PCDHGB7: variants seen among roughly 807,000 people sequenced by gnomAD.
PCDHGB7 encodes the protein protocadherin gamma subfamily B, 7, also known as protocadherin gamma-B7.
PCDHGB7 carries 37 observed loss-of-function variants against 61.4 expected under a neutral mutation model. The observed-to-expected ratio is 0.60, with a 90% confidence interval of 0.46 to 0.79. PCDHGB7 has a LOEUF of 0.79. Among genes scored for constraint, PCDHGB7 ranks in the 30% least tolerant of loss-of-function variants. The pLI, the probability that PCDHGB7 is intolerant of heterozygous loss-of-function variation, is 0.00. For synonymous variants in PCDHGB7, 464 were observed against 503.5 expected, an observed-to-expected ratio of 0.92 and a Z score of 1.05; for missense variants, 1,166 against 1,202.5, an observed-to-expected ratio of 0.97 and a Z score of 0.45.
At position 141,487,946 on chromosome 5, in the gene PCDHGB7, C is replaced by G. The variant is rs187890859; in HGVS notation, c.2416-6861C>G. 7.9e-5 allele frequency among the ~76,000 whole-genome samples: 12 copies of G among 152,298 alleles called. No homozygotes were observed. The highest frequency in any genetic ancestry group is 7.8e-4 in the Admixed American group (12 of 15,304). Reference sequence around the variant, plus strand: ...AGTGCACAGGGTACAGTGCACCAGGCAGTCACTTGGACAAAGGTGGCTGTT... The same window carrying G: ...AGTGCACAGGGTACAGTGCACCAGGGAGTCACTTGGACAAAGGTGGCTGTT... On this transcript the variant is annotated intron_variant, in intron 1 of 3. Transcript: ENST00000398594. The surrounding 1 kb of genome is among the most constrained non-coding windows in gnomAD (Gnocchi z 5.0).
chr5:141,483,243 ATATATCATGAGGTTTTTTTGTT>A (rs555469799), intron 1 of PCDHGB7, among the ~76,000 whole-genome samples: 11 of 151,654 alleles, frequency 7.3e-5, no homozygotes, highest in African/African-American at 2.2e-4. Context: ...ACTGATATGC[ATATATCATGAGGTTTTTTTGTT>A]TTAGAAATAT....
At position 141,432,299 on chromosome 5, in the gene PCDHGB7, C is replaced by G; in HGVS notation, c.2415+12025C>G. ...GTCCATCAACTCCGACACTGGGGTA[C>G]TGTATGCGCTGAGCTCCTTCGACTA... is the stretch of plus-strand genomic sequence containing the variant. On this transcript the variant is annotated intron_variant, in intron 1 of 3. Transcript: ENST00000398594. This position sits in a 1 kb window ranked among gnomAD's most constrained non-coding sequence, Gnocchi z 6.0. The G allele has an allele frequency of 2.5e-6, 4 of 1,614,278 alleles. No homozygotes were observed. The highest frequency in any genetic ancestry group is 3.4e-6 in the Non-Finnish European group (4 of 1,180,056).
At chr5:141,437,096 C>T (rs989863634) in intron 1 of PCDHGB7, among the ~76,000 whole-genome samples, 6 of 152,122 alleles carry the variant, frequency 3.9e-5, no homozygotes, top group Non-Finnish European at 8.8e-5. Context: ...AAACTAACGG[C>T]TTAGCTTTAG....
chr5:141,496,499 G>A (rs1417059875), intron 2 of PCDHGB7, among the ~76,000 whole-genome samples: 1 of 152,102 alleles, frequency 6.6e-6, no homozygotes, highest in Non-Finnish European at 1.5e-5. Context: ...AACCCTTGTT[G>A]CCACAAGGAC....
At chr5:141,479,842 G>A (rs1167563746) in intron 1 of PCDHGB7, among the ~76,000 whole-genome samples, 3 of 152,172 alleles carry the variant, frequency 2.0e-5, no homozygotes, top group African/African-American at 7.2e-5. Context: ...TCCATGCAAG[G>A]TGACTGCAAG....
Position 141,419,151 on chromosome 5 carries a change from C to T in PCDHGB7, c.1292C>T (p.Pro431Leu), listed in dbSNP as rs2096335413. 1.2e-6 allele frequency: 2 copies of T among 1,613,800 alleles called. No individual in the cohort carries two copies. The highest frequency in any genetic ancestry group is 2.7e-5 in the African/African-American group (2 of 74,938). ...TIAATDRGKPPLSSSKTITLH... is the reference protein window; with the variant it reads ...TIAATDRGKPLLSSSKTITLH... ...GCAGCCACAGACAGGGGCAAGCCTC[C>T]GTTATCCTCCAGCAAAACCATAACC... Residue 431 changes from proline (P) to leucine (L), a missense_variant, in exon 1 of 4, where the codon CCG becomes CTG. Physicochemically the swap from Pro to Leu is moderately conservative, Grantham distance 98. Transcript: ENST00000398594.
In PCDHGB7 at chr5:141,485,125, G is replaced by A. The variant is rs776015544; in HGVS notation, c.2416-9682G>A. 7.1e-7 allele frequency: 1 copy of A among 1,412,160 alleles called. No homozygotes were observed. The highest frequency in any genetic ancestry group is 1.2e-5 in the South Asian group (1 of 81,022). The allele number at this position is 1,412,160 out of a possible 1,614,324, so 87.5% of individuals were successfully genotyped here. On this transcript the variant is annotated intron_variant, in intron 1 of 3. Transcript: ENST00000398594. This position sits in a 1 kb window ranked among gnomAD's most constrained non-coding sequence, Gnocchi z 5.7. ...CTGCTGTGGCTGTTTGGGGCGGGTC[G>A]GCTTCATCCGCGTCTCAGGAGCAAG... is the stretch of plus-strand genomic sequence containing the variant.
At chr5:141,497,284 A>G (rs1486878285) in intron 2 of PCDHGB7, among the ~76,000 whole-genome samples, 1 of 152,104 alleles carries the variant, frequency 6.6e-6, no homozygotes, top group South Asian at 2.1e-4. Context: ...TGTTCCCTCT[A>G]CCTACCACCA....
At chr5:141,452,912 A>T (rs1301567203) in intron 1 of PCDHGB7, among the ~76,000 whole-genome samples, 1 of 152,228 alleles carries the variant, frequency 6.6e-6, no homozygotes, top group African/African-American at 2.4e-5. Flanking sequence ...GGCATTATAC[A>T]GTAAGAAAGA....
Position 141,486,690 on chromosome 5 carries a change from C to G in PCDHGB7, c.2416-8117C>G. ...AGGAATCGAGATGTATCAGCTTCCTCTTTCATCTCTCTGAACCCCCAGACA... is the reference window on the plus strand; with the variant it reads ...AGGAATCGAGATGTATCAGCTTCCTGTTTCATCTCTCTGAACCCCCAGACA... On this transcript the variant is annotated intron_variant, in intron 1 of 3. Coordinates refer to ENST00000398594, the MANE Select transcript of PCDHGB7 (RefSeq NM_018927.4). The surrounding 1 kb of genome is among the most constrained non-coding windows in gnomAD (Gnocchi z 5.0). 3 of 1,614,144 alleles carry G rather than the reference C, an allele frequency of 1.9e-6. No individual in the cohort carries two copies. The highest frequency in any genetic ancestry group is 2.5e-6 in the Non-Finnish European group (3 of 1,180,036).
At chr5:141,423,742 A>C in intron 1 of PCDHGB7, 1 of 514,328 alleles carries the variant, frequency 1.9e-6, no homozygotes, top group Non-Finnish European at 2.4e-6. Context: ...CCTGTTATGA[A>C]AACTGTTTGG....
intron 1 of PCDHGB7, chr5:141,421,154 G>A: frequency 8.7e-7 from 1 of 1,151,318 alleles, no homozygotes; most frequent in South Asian, 1.6e-5. Flanking sequence ...GTCGGCCTAG[G>A]ACTTCATAGA....
At chr5:141,450,006 CTTTTTT>C (rs1554136305) in intron 1 of PCDHGB7, among the ~76,000 whole-genome samples, 7,115 of 132,964 alleles carry the variant, frequency 0.054, 434 homozygotes, top group African/African-American at 0.14. Flanking sequence ...TGCCATGTCT[CTTTTTT>C]TTTTTTTTTT....
At chr5:141,461,441 T>A (rs959248029) in intron 1 of PCDHGB7, among the ~76,000 whole-genome samples, 7 of 152,194 alleles carry the variant, frequency 4.6e-5, no homozygotes, top group Admixed American at 4.6e-4. Flanking sequence ...TACCTTCTTT[T>A]GAGAAATGGC....
In PCDHGB7 at chr5:141,431,354, G is replaced by T. The variant is rs777198567; in HGVS notation, c.2415+11080G>T. The T allele has an allele frequency of 1.9e-6, 3 of 1,614,036 alleles. No individual in the cohort carries two copies. In the South Asian group the frequency reaches 3.3e-5, roughly 18 times the overall value. ...GTACCCCGAATTGGTGCTGAAACGC[G>T]CCCTGGACCGCGAAGAAAAGGCTGC... On this transcript the variant is annotated intron_variant, in intron 1 of 3. Coordinates refer to ENST00000398594, the MANE Select transcript of PCDHGB7 (RefSeq NM_018927.4). This position sits in a 1 kb window ranked among gnomAD's most constrained non-coding sequence, Gnocchi z 4.8.
chr5:141,433,914 C>A (rs2097664630), intron 1 of PCDHGB7, among the ~76,000 whole-genome samples: 1 of 151,702 alleles, frequency 6.6e-6, no homozygotes, highest in Admixed American at 6.6e-5. Context: ...TTACAATCAC[C>A]TCCAAATGAA....
Position 141,491,504 on chromosome 5 carries a change from G to T in PCDHGB7, c.2416-3303G>T. 6.2e-7 allele frequency: 1 copy of T among 1,614,048 alleles called. No homozygotes were observed. The highest frequency in any genetic ancestry group is 2.2e-5 in the East Asian group (1 of 44,876). Reference sequence around the variant, plus strand: ...CCCAACCTGCAGGTGAGCTCGGACGGCACGCTCAAGTACATGGAGGTGACG... The same window carrying T: ...CCCAACCTGCAGGTGAGCTCGGACGTCACGCTCAAGTACATGGAGGTGACG... On this transcript the variant is annotated intron_variant, in intron 1 of 3. Transcript: ENST00000398594. The surrounding 1 kb of genome is among the most constrained non-coding windows in gnomAD (Gnocchi z 6.9).
chr5:141,478,199 C>T lies in PCDHGB7; in HGVS notation c.2416-16608C>T, dbSNP rs759439765. 3.7e-6 allele frequency: 6 copies of T among 1,614,056 alleles called. No homozygotes were observed. The Middle Eastern group carries it at 6.6e-4, about 178-fold the overall frequency. On this transcript the variant is annotated intron_variant, in intron 1 of 3. Coordinates refer to ENST00000398594, the MANE Select transcript of PCDHGB7 (RefSeq NM_018927.4). ...GAAAAAAAATCTCACCTTTTATCTA[C>T]TTCTTTCTCTAATCCTGGTTTCTGT...
intron 1 of PCDHGB7, among the ~76,000 whole-genome samples, chr5:141,492,593 A>T (rs907659087): frequency 1.3e-5 from 2 of 152,100 alleles, no homozygotes; most frequent in African/African-American, 4.8e-5. Context: ...GGAGCGCTGG[A>T]GCGACTGCCG....
Sources: allele counts gnomAD v4.1 joint callset (sites outside exome capture counted in the v4.1 genomes callset), GRCh38; gene constraint gnomAD v4.1.1; non-coding constraint Gnocchi (gnomAD v3.1); transcripts MANE v1.5; gene names NCBI Gene and HGNC (gene_info 2026-07-23, HGNC 2026-07-21).